AFG2A: variants seen among roughly 807,000 people sequenced by gnomAD.
The protein encoded by AFG2A is ATPase family gene 2 protein homolog A.
the AFG2A span, among the ~76,000 whole-genome samples, chr4:122,945,681 A>G: frequency 4.6e-5 from 7 of 152,174 alleles, no homozygotes; most frequent in Non-Finnish European, 8.8e-5. Context: ...GGCACTCCCT[A>G]GTGAGATGAA....
the AFG2A span, among the ~76,000 whole-genome samples, chr4:123,179,513 A>C: frequency 6.6e-6 from 1 of 152,082 alleles, no homozygotes; most frequent in South Asian, 2.1e-4. Context: ...ACACCTGGCT[A>C]ATTTATTTCA....
At chr4:123,301,770 A>G in the AFG2A span, among the ~76,000 whole-genome samples, 1 of 152,216 alleles carries the variant, frequency 6.6e-6, no homozygotes, top group African/African-American at 2.4e-5. Flanking sequence ...ACACCATGTC[A>G]TCTTCTTTAA....
At chr4:123,099,422 T>C in the AFG2A span, among the ~76,000 whole-genome samples, 1 of 151,934 alleles carries the variant, frequency 6.6e-6, no homozygotes, top group East Asian at 1.9e-4. Context: ...CAAAAAATTA[T>C]TGTCCAGGCC....
At chr4:123,164,793 T>TA in the AFG2A span, among the ~76,000 whole-genome samples, 1 of 152,174 alleles carries the variant, frequency 6.6e-6, no homozygotes, top group African/African-American at 2.4e-5. Context: ...TCATTTCATG[T>TA]AAAAAACAGA....
the AFG2A span, among the ~76,000 whole-genome samples, chr4:122,928,027 A>T: frequency 6.6e-6 from 1 of 152,294 alleles, no homozygotes; most frequent in East Asian, 1.9e-4. Flanking sequence ...TTTTCAACAC[A>T]AGCAGGAATA....
chr4:122,943,932 ATTCTT>A, the AFG2A span, among the ~76,000 whole-genome samples: 16 of 151,900 alleles, frequency 1.1e-4, no homozygotes, highest in African/African-American at 3.6e-4. Context: ...TGGGTTGAAA[ATTCTT>A]TTCTTTAAGA....
the AFG2A span, among the ~76,000 whole-genome samples, chr4:123,192,713 C>A: frequency 1.2e-4 from 19 of 152,196 alleles, no homozygotes; most frequent in African/African-American, 2.2e-4. Context: ...CTTCTCTCCC[C>A]CTGTGGCCCA....
the AFG2A span, among the ~76,000 whole-genome samples, chr4:123,157,600 T>C: frequency 6.6e-6 from 1 of 152,182 alleles, no homozygotes; most frequent in African/African-American, 2.4e-5. Context: ...CATAGCAAAG[T>C]ATTAATTAAC....
the AFG2A span, among the ~76,000 whole-genome samples, chr4:123,147,284 T>C: frequency 5.3e-5 from 8 of 152,164 alleles, no homozygotes; most frequent in East Asian, 1.4e-3. Flanking sequence ...AATTCACTTG[T>C]GATGGGGGTG....
At chr4:122,944,395 A>G in the AFG2A span, among the ~76,000 whole-genome samples, 1 of 152,082 alleles carries the variant, frequency 6.6e-6, no homozygotes, top group Non-Finnish European at 1.5e-5. Context: ...GTCATCTTCC[A>G]TCACTGATAC....
chr4:123,302,741 C>A, the AFG2A span, among the ~76,000 whole-genome samples: 1 of 152,228 alleles, frequency 6.6e-6, no homozygotes, highest in Middle Eastern at 3.4e-3. Flanking sequence ...TATATCTTGA[C>A]ATTTGCGATA....
the AFG2A span, chr4:122,927,652 A>G: frequency 6.2e-7 from 1 of 1,610,478 alleles, no homozygotes; most frequent in South Asian, 1.1e-5. Flanking sequence ...AAAATTCCTA[A>G]AACATTCCAG....
At chr4:123,177,592 A>C in the AFG2A span, among the ~76,000 whole-genome samples, 1 of 152,188 alleles carries the variant, frequency 6.6e-6, no homozygotes, top group Non-Finnish European at 1.5e-5. Flanking sequence ...AAAAAAGTAA[A>C]TGTCCTTGTG....
At chr4:123,081,113 A>C in the AFG2A span, among the ~76,000 whole-genome samples, 1 of 152,120 alleles carries the variant, frequency 6.6e-6, no homozygotes, top group Non-Finnish European at 1.5e-5. Context: ...CATAATTATC[A>C]CCCAAAGTCC....
chr4:123,291,020 G>A, the AFG2A span, among the ~76,000 whole-genome samples: 1 of 152,100 alleles, frequency 6.6e-6, no homozygotes, highest in African/African-American at 2.4e-5. Flanking sequence ...TCTTCTTGTG[G>A]AACTGATCCC....
the AFG2A span, among the ~76,000 whole-genome samples, chr4:123,016,040 C>T: frequency 0.1 from 1,350 of 12,858 alleles, 445 homozygotes; most frequent in African/African-American, 0.2. Flanking sequence ...GGGGGGCTGA[C>T]CCCCCCACTT....
At chr4:122,959,926 C>T in the AFG2A span, among the ~76,000 whole-genome samples, 1 of 152,132 alleles carries the variant, frequency 6.6e-6, no homozygotes, top group Admixed American at 6.6e-5. Flanking sequence ...TTGCTTTCAA[C>T]CCTTAGATCT....
the AFG2A span, among the ~76,000 whole-genome samples, chr4:122,946,144 G>T: frequency 1.7e-3 from 256 of 152,340 alleles, 1 homozygote; most frequent in Non-Finnish European, 2.9e-3. Flanking sequence ...TTTACAGTAA[G>T]AGATGTGACT....
chr4:123,275,371 T>A, the AFG2A span, among the ~76,000 whole-genome samples: 1 of 152,140 alleles, frequency 6.6e-6, no homozygotes, highest in African/African-American at 2.4e-5. Flanking sequence ...TACAAAAAAT[T>A]TTTTTATGAC....
Sources: allele counts gnomAD v4.1 joint callset (sites outside exome capture counted in the v4.1 genomes callset), GRCh38; gene constraint gnomAD v4.1.1; transcripts MANE v1.5; gene names NCBI Gene and HGNC (gene_info 2026-07-23, HGNC 2026-07-21).